The following STARD13 variants were observed in gnomAD, a reference collection of about 807,000 sequenced individuals.
The protein encoded by STARD13 is StAR related lipid transfer domain containing 13.
Under a neutral mutation model 106.4 loss-of-function variants are expected in STARD13, and 62 were observed. The observed-to-expected ratio is 0.58, with a 90% CI of 0.48 to 0.72. The LOEUF is 0.72. Ranked by LOEUF, STARD13 falls within the 30% of genes least tolerant of loss-of-function variation. The pLI is 0.00. For missense variants in STARD13, 1,387 were observed against 1,424.0 expected (o/e 0.97, Z 0.42); for synonymous variants, 565 against 553.0 (o/e 1.02, Z -0.31).
At chr13:33,248,786 C>T (rs1311662273) in intron 1 of STARD13, among the ~76,000 whole-genome samples, 2 of 152,136 alleles carry the variant, frequency 1.3e-5, no homozygotes, top group Non-Finnish European at 2.9e-5. Flanking sequence ...TTTGGGTGTT[C>T]CCAAAACACC....
chr13:33,352,955 C>T (rs2078092933), upstream of STARD13, among the ~76,000 whole-genome samples: 1 of 152,202 alleles, frequency 6.6e-6, no homozygotes. Flanking sequence ...AGGTAACCCC[C>T]TAGCCCTACC....
At chr13:33,314,793 G>C (rs942003567) in intron 1 of STARD13, among the ~76,000 whole-genome samples, 1 of 152,138 alleles carries the variant, frequency 6.6e-6, no homozygotes, top group African/African-American at 2.4e-5. Flanking sequence ...CCCAGTACTA[G>C]CTTGCATTGG....
chr13:33,434,314 C>G, the STARD13 span, among the ~76,000 whole-genome samples: 1 of 129,864 alleles, frequency 7.7e-6, no homozygotes, highest in Non-Finnish European at 1.6e-5. Context: ...GATCATTCCA[C>G]TGCACTCCAG....
At chr13:33,668,010 C>T in the STARD13 span, among the ~76,000 whole-genome samples, 2 of 152,212 alleles carry the variant, frequency 1.3e-5, no homozygotes, top group Non-Finnish European at 2.9e-5. Context: ...ATAAACAATC[C>T]GGTTGTTTCT....
the STARD13 span, among the ~76,000 whole-genome samples, chr13:33,541,491 C>G: frequency 6.6e-6 from 1 of 152,194 alleles, no homozygotes; most frequent in African/African-American, 2.4e-5. Context: ...CTCCTCACGT[C>G]ACAGCAGCGT....
chr13:33,603,307 C>T, the STARD13 span, among the ~76,000 whole-genome samples: 1 of 152,288 alleles, frequency 6.6e-6, no homozygotes, highest in East Asian at 1.9e-4. Context: ...ATGATTAAAA[C>T]CTTCTTCCTT....
At chr13:33,297,288 A>G (rs1315243267) in intron 1 of STARD13, among the ~76,000 whole-genome samples, 1 of 152,252 alleles carries the variant, frequency 6.6e-6, no homozygotes, top group Non-Finnish European at 1.5e-5. Flanking sequence ...TGGCTCCGCC[A>G]AAATGACTCA....
At chr13:33,518,669 G>A in the STARD13 span, among the ~76,000 whole-genome samples, 2 of 152,040 alleles carry the variant, frequency 1.3e-5, no homozygotes, top group Non-Finnish European at 2.9e-5. Context: ...GTAGAGGCAA[G>A]TGGCACAGTT....
chr13:33,278,101 G>A (rs905972959), intron 1 of STARD13, among the ~76,000 whole-genome samples: 2 of 152,094 alleles, frequency 1.3e-5, no homozygotes, highest in Admixed American at 1.3e-4. Context: ...TGTTCCCCAG[G>A]GAAAGCTGGT....
chr13:33,231,311 C>T (rs532463028), intron 1 of STARD13, among the ~76,000 whole-genome samples: 1 of 152,322 alleles, frequency 6.6e-6, no homozygotes, highest in South Asian at 2.1e-4. Flanking sequence ...CAGGCTCTCA[C>T]TGTGCCATAC....
At chr13:33,286,624 A>C (rs1287330256), upstream of STARD13, among the ~76,000 whole-genome samples, 1 of 152,226 alleles carries the variant, frequency 6.6e-6, no homozygotes, top group African/African-American at 2.4e-5. Context: ...AAGGACGCAA[A>C]CACAATGCTA....
At chr13:33,579,996 G>T in the STARD13 span, among the ~76,000 whole-genome samples, 1 of 152,104 alleles carries the variant, frequency 6.6e-6, no homozygotes, top group East Asian at 1.9e-4. Flanking sequence ...TGGGAATGCA[G>T]TCTGACAATT....
At chr13:33,370,619 C>CTTTTTT in the STARD13 span, among the ~76,000 whole-genome samples, 3 of 131,620 alleles carry the variant, frequency 2.3e-5, no homozygotes, top group African/African-American at 6.0e-5. Flanking sequence ...TTCTTTCTTT[C>CTTTTTT]TTTTTTTTTT....
the STARD13 span, among the ~76,000 whole-genome samples, chr13:33,487,098 A>T: frequency 1.3e-5 from 2 of 152,144 alleles, no homozygotes; most frequent in Admixed American, 6.5e-5. Context: ...GGGCAACTTA[A>T]CCTCCCTGAG....
downstream of STARD13, among the ~76,000 whole-genome samples, chr13:33,348,274 T>TAGGG (rs1403722184): frequency 6.6e-6 from 1 of 152,264 alleles, no homozygotes; most frequent in African/African-American, 2.4e-5. Context: ...GCTTTCTATA[T>TAGGG]ATTCACGATC....
At chr13:33,637,697 A>G in the STARD13 span, among the ~76,000 whole-genome samples, 15 of 152,218 alleles carry the variant, frequency 9.9e-5, no homozygotes, top group African/African-American at 3.1e-4. Context: ...CAGCTCATTC[A>G]AGGGCTATGA....
the STARD13 span, among the ~76,000 whole-genome samples, chr13:33,616,958 G>C: frequency 6.6e-6 from 1 of 152,158 alleles, no homozygotes; most frequent in Non-Finnish European, 1.5e-5. Context: ...CTTGGGTAGG[G>C]AGCGTCCCTA....
the STARD13 span, among the ~76,000 whole-genome samples, chr13:33,365,812 A>G: frequency 6.6e-6 from 1 of 152,186 alleles, no homozygotes; most frequent in African/African-American, 2.4e-5. Context: ...TTCTTGGTAC[A>G]ATTATAAAAC....
At chr13:33,284,474 A>G (rs535499889) in intron 1 of STARD13, among the ~76,000 whole-genome samples, 1 of 152,282 alleles carries the variant, frequency 6.6e-6, no homozygotes, top group Non-Finnish European at 1.5e-5. Context: ...TTTAGCACCA[A>G]TATAATAATT....
Sources: gnomAD v4.1 joint callset for allele counts (sites outside exome capture counted in the v4.1 genomes callset) on GRCh38, gnomAD v4.1.1 for gene constraint, MANE v1.5 for transcripts, NCBI Gene and HGNC (gene_info 2026-07-23, HGNC 2026-07-21) for gene names.